The following MAP2K1 variants were observed in gnomAD, a reference collection of about 807,000 sequenced individuals.
MAP2K1 encodes the protein dual specificity mitogen-activated protein kinase kinase 1.
In MAP2K1, 16 loss-of-function variants were observed where a neutral mutation model predicts 46.3. The ratio of observed to expected loss-of-function variants is 0.35; its 90% confidence interval spans 0.23 to 0.52. The LOEUF (loss-of-function observed/expected upper bound fraction) is 0.52. Among genes scored for constraint, MAP2K1 ranks in the 20% least tolerant of loss-of-function variants. The pLI is 0.94. For synonymous variants in MAP2K1, 183 were observed against 185.6 expected (o/e 0.99, Z 0.11); for missense variants, 263 against 497.1 (o/e 0.53, Z 4.48).
At chr15:66,406,802 G>A (rs1431672509) in intron 1 of MAP2K1, among the ~76,000 whole-genome samples, 2 of 151,930 alleles carry the variant, frequency 1.3e-5, no homozygotes, top group Admixed American at 6.6e-5. Flanking sequence ...AGGCTGAGGC[G>A]GGCGGATCAC....
At chr15:66,444,480 C>T (rs1019649616) in intron 4 of MAP2K1, among the ~76,000 whole-genome samples, 176 bp from the exon 5 acceptor site, 4 of 152,076 alleles carry the variant, frequency 2.6e-5, no homozygotes, top group African/African-American at 9.7e-5. Context: ...TTGTGGTGAG[C>T]CGAGATCGCG....
At chr15:66,419,937 A>G (rs1035713481) in intron 1 of MAP2K1, among the ~76,000 whole-genome samples, 2 of 151,766 alleles carry the variant, frequency 1.3e-5, no homozygotes, top group African/African-American at 4.8e-5. Context: ...TACCTGATTT[A>G]CAGTGAAATT....
chr15:66,419,248 G>A (rs1345739172), intron 1 of MAP2K1, among the ~76,000 whole-genome samples: 4 of 151,786 alleles, frequency 2.6e-5, no homozygotes, highest in South Asian at 4.2e-4. Flanking sequence ...GGCTGGGCGC[G>A]GTGGCTCACA....
At chr15:66,438,980 G>A (rs1023429962) in intron 3 of MAP2K1, among the ~76,000 whole-genome samples, 14 of 152,182 alleles carry the variant, frequency 9.2e-5, no homozygotes, top group Non-Finnish European at 1.3e-4. Flanking sequence ...CTGCCGGAGC[G>A]TCTAGATGGG....
chr15:66,427,671 C>A (rs1351505394), intron 1 of MAP2K1, among the ~76,000 whole-genome samples: 1 of 152,010 alleles, frequency 6.6e-6, no homozygotes, highest in Non-Finnish European at 1.5e-5. Context: ...GATGTGTTTA[C>A]TACTGTTAGC....
chr15:66,472,698 A>C (rs1892668798), intron 5 of MAP2K1, among the ~76,000 whole-genome samples: 3 of 150,814 alleles, frequency 2.0e-5, no homozygotes, highest in African/African-American at 7.3e-5. Context: ...TGTCAAACAC[A>C]TTCTTCTAAG....
rs746803406 is a variant in MAP2K1 at position 66,442,596 on chromosome 15, C to T, written c.439-684C>T. Among the ~76,000 whole-genome samples the T allele has an allele frequency of 2.0e-5, 3 of 152,204 alleles. No individual in the cohort carries two copies. The East Asian group carries it at 5.8e-4, about 29-fold the overall frequency. ...ACTCCCAGACCGTGTTTTTCCTTTA[C>T]TGTCACACCACAACAATCAACACAG... On this transcript the variant is annotated intron_variant, in intron 3 of 10. Transcript: ENST00000307102.
At chr15:66,420,801 ATG>A (rs1270948226) in intron 1 of MAP2K1, among the ~76,000 whole-genome samples, 1 of 58,570 alleles carries the variant, frequency 1.7e-5, no homozygotes, top group Non-Finnish European at 3.7e-5. Flanking sequence ...GTGTATATAT[ATG>A]TGTATATATA....
intron 3 of MAP2K1, among the ~76,000 whole-genome samples, chr15:66,441,978 T>G (rs1007505783): frequency 6.6e-6 from 1 of 152,174 alleles, no homozygotes; most frequent in African/African-American, 2.4e-5. Context: ...AGGATCCCCT[T>G]AGTGAGGCAT....
intron 1 of MAP2K1, among the ~76,000 whole-genome samples, chr15:66,409,381 G>T (rs370419065): frequency 4.6e-5 from 7 of 152,248 alleles, no homozygotes; most frequent in Admixed American, 2.0e-4. Flanking sequence ...CACAGAGGAA[G>T]GCTCTGGGAA....
chr15:66,408,311 C>T (rs148566434), intron 1 of MAP2K1, among the ~76,000 whole-genome samples: 162 of 152,256 alleles, frequency 1.1e-3, no homozygotes, highest in Non-Finnish European at 2.1e-3. Flanking sequence ...GAGACAACAC[C>T]GGGCATACTT....
intron 1 of MAP2K1, among the ~76,000 whole-genome samples, chr15:66,395,000 G>C (rs1377567812): frequency 6.6e-6 from 1 of 152,160 alleles, no homozygotes; most frequent in Admixed American, 6.5e-5. Flanking sequence ...TGGGACTCTT[G>C]TTTGAATATA....
intron 1 of MAP2K1, among the ~76,000 whole-genome samples, chr15:66,426,719 G>C (rs1316994822): frequency 6.6e-6 from 1 of 152,218 alleles, no homozygotes; most frequent in Non-Finnish European, 1.5e-5. Context: ...GCCTTTAGGA[G>C]TCAGAAGACC....
At chr15:66,388,904 CTTT>C (rs72328500) in intron 1 of MAP2K1, among the ~76,000 whole-genome samples, 6 of 111,944 alleles carry the variant, frequency 5.4e-5, no homozygotes, top group Admixed American at 2.0e-4. Context: ...AACATTTGTT[CTTT>C]TTTTTTTTTT....
At position 66,436,907 on chromosome 15, in the gene MAP2K1, C is replaced by G. The variant is rs1170337728; in HGVS notation, c.438+15C>G. On this transcript the variant is annotated intron_variant, in intron 3 of 10. Transcript: ENST00000307102. ...TGGAGCACATGGTATGTGACACCCT[C>G]TCAGCCTCTGGAGCAATGGCCTTAA... 6.2e-7 allele frequency: 1 copy of G among 1,613,922 alleles called. No individual in the cohort carries two copies. The highest frequency in any genetic ancestry group is 8.5e-7 in the Non-Finnish European group (1 of 1,179,920).
At chr15:66,419,827 T>A (rs1350067700) in intron 1 of MAP2K1, among the ~76,000 whole-genome samples, 1 of 152,164 alleles carries the variant, frequency 6.6e-6, no homozygotes, top group Non-Finnish European at 1.5e-5. Context: ...TGTTTCTTTT[T>A]AAAGGATAGG....
In MAP2K1 at chr15:66,484,970, ACTGT is replaced by A. The variant is rs1179856631; in HGVS notation, c.694-13_694-10del. The A allele has an allele frequency of 3.1e-6, 5 of 1,605,442 alleles. No individual in the cohort carries two copies. The highest frequency in any genetic ancestry group is 2.2e-5 in the East Asian group (1 of 44,868). On this transcript the variant is annotated splice_polypyrimidine_tract_variant and intron_variant, in intron 6 of 10. Transcript: ENST00000307102. ...GTCCAAGTTAGGTTAGGTGATTATC[ACTGT>A]CTGTCTCTCCTGCAGCCAGAAAGAC...
intron 1 of MAP2K1, among the ~76,000 whole-genome samples, chr15:66,399,028 C>G (rs1387053689): frequency 6.6e-6 from 1 of 152,190 alleles, no homozygotes; most frequent in Non-Finnish European, 1.5e-5. Context: ...CTGCCGCGGC[C>G]TCCCAAAGTG....
At chr15:66,459,632 A>AAG (rs397741484) in intron 5 of MAP2K1, among the ~76,000 whole-genome samples, 1 of 149,130 alleles carries the variant, frequency 6.7e-6, no homozygotes, top group Non-Finnish European at 1.5e-5. Flanking sequence ...AAAAAAAAAA[A>AAG]TTTTTTTTGT....
Sources: gnomAD v4.1 joint callset for allele counts (sites outside exome capture counted in the v4.1 genomes callset) on GRCh38, gnomAD v4.1.1 for gene constraint, MANE v1.5 for transcripts, NCBI Gene and HGNC (gene_info 2026-07-23, HGNC 2026-07-21) for gene names.